Variants in ATXN1 observed in about 807,000 individuals in gnomAD.
ATXN1 encodes the protein ataxin-1.
In ATXN1, 8 loss-of-function variants were observed where a neutral mutation model predicts 56.4. The ratio of observed to expected loss-of-function variants is 0.14; its 90% CI spans 0.08 to 0.26. The LOEUF is 0.26. Among genes scored for constraint, ATXN1 ranks in the 10% least tolerant of loss-of-function variants. The pLI is 1.00. For synonymous variants in ATXN1, 514 were observed against 494.6 expected, an observed-to-expected ratio of 1.04 and a Z score of -0.52; for missense variants, 987 against 1,106.5, an observed-to-expected ratio of 0.89 and a Z score of 1.53.
intron 6 of ATXN1, among the ~76,000 whole-genome samples, chr6:16,428,384 G>A (rs1759204270): frequency 6.6e-6 from 1 of 151,942 alleles, no homozygotes; most frequent in South Asian, 2.1e-4. Context: ...CTCCCAAAGT[G>A]TTGAGATTAT....
chr6:16,710,690 C>T (rs919554391), intron 2 of ATXN1, among the ~76,000 whole-genome samples: 4 of 152,148 alleles, frequency 2.6e-5, no homozygotes, highest in Non-Finnish European at 4.4e-5. Flanking sequence ...TGGGCTCAAG[C>T]GATCCTCCCA....
Position 16,328,529 on chromosome 6 carries a change from A to AG in ATXN1, c.-160-60dup, listed in dbSNP as rs1346125690. On this transcript the variant is annotated intron_variant, in intron 6 of 7. Transcript: ENST00000436367. The surrounding 1 kb of genome is among the most constrained non-coding windows in gnomAD (Gnocchi z 6.2). ...AAGGAAAGGGAGGAGAAAGGGAAGG[A>AG]GGGAAAGGACATCAGAACATGAGCA... 2 of 811,058 alleles carry AG rather than the reference A, an allele frequency of 2.5e-6. No homozygotes were observed. Among genetic ancestry groups the AG allele is most frequent in the African/African-American group, 3.5e-5 (2 of 57,526 alleles). The allele number at this position is 811,058 out of a possible 1,614,324, so 50.2% of individuals were successfully genotyped here. A position where few individuals can be genotyped will look rare whatever the true frequency, so the allele number is the denominator to read the frequency against.
intron 6 of ATXN1, among the ~76,000 whole-genome samples, chr6:16,347,527 T>C (rs1485973650): frequency 6.6e-6 from 1 of 151,950 alleles, no homozygotes; most frequent in East Asian, 1.9e-4. Flanking sequence ...ATCGGCACTC[T>C]GTATCTAGCT....
chr6:16,515,090 T>C (rs1436115466), intron 5 of ATXN1, among the ~76,000 whole-genome samples: 1 of 152,018 alleles, frequency 6.6e-6, no homozygotes, highest in Non-Finnish European at 1.5e-5. Context: ...CTGACTCCAT[T>C]CCTTTCATTG....
chr6:16,377,734 T>C (rs746919900), intron 6 of ATXN1, among the ~76,000 whole-genome samples: 1 of 152,182 alleles, frequency 6.6e-6, no homozygotes, highest in African/African-American at 2.4e-5. Context: ...GAAGACAAGA[T>C]GTAAGCTGAA....
intron 4 of ATXN1, among the ~76,000 whole-genome samples, chr6:16,581,391 C>T (rs1037903518): frequency 3.3e-5 from 5 of 151,840 alleles, no homozygotes; most frequent in South Asian, 4.1e-4. Flanking sequence ...GGGAGGGATA[C>T]AATAGAGAAA....
chr6:16,606,085 C>T (rs1056744986), intron 3 of ATXN1, among the ~76,000 whole-genome samples: 7 of 152,036 alleles, frequency 4.6e-5, no homozygotes, highest in South Asian at 2.1e-4. Context: ...GGTACAATCA[C>T]GCCACTGCAC....
At chr6:16,469,214 A>G (rs1760169034) in intron 6 of ATXN1, among the ~76,000 whole-genome samples, 1 of 152,236 alleles carries the variant, frequency 6.6e-6, no homozygotes, top group Non-Finnish European at 1.5e-5. Flanking sequence ...CTGAAAAACC[A>G]ACAGCAATTA....
At chr6:16,590,951 TCCTGCCTCAG>T (rs1206179794) in intron 3 of ATXN1, among the ~76,000 whole-genome samples, 1 of 151,968 alleles carries the variant, frequency 6.6e-6, no homozygotes, top group Non-Finnish European at 1.5e-5. Context: ...CAAGCAATTA[TCCTGCCTCAG>T]CCTCCTGAGT....
At chr6:16,461,514 G>C (rs1336328763) in intron 6 of ATXN1, among the ~76,000 whole-genome samples, 1 of 152,184 alleles carries the variant, frequency 6.6e-6, no homozygotes, top group Admixed American at 6.5e-5. Context: ...CAAAGAATAG[G>C]TCACTATCCT....
intron 4 of ATXN1, among the ~76,000 whole-genome samples, chr6:16,525,828 A>G (rs1761382039): frequency 6.6e-6 from 1 of 151,866 alleles, no homozygotes; most frequent in Non-Finnish European, 1.5e-5. Context: ...AAAAAATTAC[A>G]GGACTATGCA....
At chr6:16,529,005 C>T (rs1249803658) in intron 4 of ATXN1, among the ~76,000 whole-genome samples, 1 of 151,958 alleles carries the variant, frequency 6.6e-6, no homozygotes, top group East Asian at 1.9e-4. Context: ...ATGGTGAAAC[C>T]CCATCTCTAC....
intron 4 of ATXN1, among the ~76,000 whole-genome samples, chr6:16,577,730 G>A (rs183794336): frequency 2.6e-4 from 39 of 152,156 alleles, no homozygotes; most frequent in African/African-American, 9.2e-4. Context: ...TGATATGACT[G>A]CTTCTCTAAG....
At chr6:16,419,460 A>G (rs1164898434) in intron 6 of ATXN1, among the ~76,000 whole-genome samples, 1 of 151,688 alleles carries the variant, frequency 6.6e-6, no homozygotes, top group African/African-American at 2.4e-5. Context: ...TATTTTATAA[A>G]TATTTTTATA....
chr6:16,691,806 C>T (rs914212218), intron 2 of ATXN1, among the ~76,000 whole-genome samples: 12 of 152,192 alleles, frequency 7.9e-5, no homozygotes, highest in Admixed American at 7.9e-4. Context: ...ATTCACATGT[C>T]GAATCCTAAC....
chr6:16,363,122 G>T (rs1466623144), intron 6 of ATXN1, among the ~76,000 whole-genome samples: 1 of 152,056 alleles, frequency 6.6e-6, no homozygotes, highest in Non-Finnish European at 1.5e-5. Context: ...ACTTTTTCTG[G>T]AAAAATGATT....
intron 5 of ATXN1, among the ~76,000 whole-genome samples, chr6:16,503,115 T>C (rs1760913265): frequency 6.6e-6 from 1 of 152,230 alleles, no homozygotes; most frequent in South Asian, 2.1e-4. Flanking sequence ...AAATCTTATA[T>C]AGAAATCTAA....
At position 16,306,290 on chromosome 6, in the gene ATXN1, G is replaced by C. The variant is rs375715147; in HGVS notation, c.*39C>G. Reference sequence around the variant, plus strand: ...ACAGTACAGTAATCTGGATACAAATGATAAGGGAGAGCCACGTTTCCTTTC... The same window carrying C: ...ACAGTACAGTAATCTGGATACAAATCATAAGGGAGAGCCACGTTTCCTTTC... On this transcript the variant is annotated 3_prime_UTR_variant, in exon 8 of 8. Coordinates refer to ENST00000436367, the MANE Select transcript of ATXN1 (RefSeq NM_001128164.2). The surrounding 1 kb of genome is among the most constrained non-coding windows in gnomAD (Gnocchi z 5.2). The C allele has an allele frequency of 6.4e-6, 10 of 1,555,676 alleles. No homozygotes were observed. The highest frequency in any genetic ancestry group is 7.8e-6 in the Non-Finnish European group (9 of 1,156,822).
rs187542097 is a variant in ATXN1 at position 16,576,678 on chromosome 6, A to G, written c.-361+9102T>C. Among the ~76,000 whole-genome samples the G allele has an allele frequency of 1.5e-3, 235 of 152,286 alleles. 2 individuals carry two copies. Among genetic ancestry groups the G allele is most frequent in the Non-Finnish European group, 2.6e-3 (177 of 68,016 alleles). On this transcript the variant is annotated intron_variant, in intron 4 of 7. Coordinates refer to ENST00000436367, the MANE Select transcript of ATXN1 (RefSeq NM_001128164.2). The stretch of plus-strand genomic sequence containing the variant: ...TAATTAATGTCAATGTGTCTTTTCC[A>G]TGTAAGAGAGCATACAGCAGAGGCA...
Sources: gnomAD v4.1 joint callset for allele counts (sites outside exome capture counted in the v4.1 genomes callset) on GRCh38, gnomAD v4.1.1 for gene constraint, Gnocchi (gnomAD v3.1) non-coding constraint, MANE v1.5 for transcripts, NCBI Gene and HGNC (gene_info 2026-07-23, HGNC 2026-07-21) for gene names.